The following TXNDC11 variants were observed in gnomAD, a reference collection of about 807,000 sequenced individuals.
The protein encoded by TXNDC11 is thioredoxin domain-containing protein 11.
In TXNDC11, 68 loss-of-function variants were observed where a neutral mutation model predicts 78.0. That is an observed-to-expected ratio of 0.87 (90% CI 0.72 to 1.07). The LOEUF is 1.07. Ranked by LOEUF, TXNDC11 falls within the 50% of genes least tolerant of loss-of-function variation. The pLI is 0.00. For synonymous variants in TXNDC11, 571 were observed against 495.2 expected (o/e 1.15, Z -2.03); for missense variants, 1,389 against 1,221.8 (o/e 1.14, Z -2.04).
chr16:11,711,463 C>T (rs1453536922), intron 5 of TXNDC11, among the ~76,000 whole-genome samples: 1 of 152,188 alleles, frequency 6.6e-6, no homozygotes, highest in Admixed American at 6.5e-5. Context: ...CTTGACTTTT[C>T]CAGCTCCAAA....
chr16:11,736,103 G>A lies in TXNDC11; in HGVS notation c.385C>T (p.Leu129=). The A allele has an allele frequency of 6.2e-7, 1 of 1,614,230 alleles. No individual in the cohort carries two copies. Among genetic ancestry groups the A allele is most frequent in the Non-Finnish European group, 8.5e-7 (1 of 1,180,044 alleles). Residue 129 remains leucine, a synonymous_variant, in exon 2 of 12, where the codon CTG becomes TTG. Transcript: ENST00000283033. ...CACCAAGGGGCATAGAAGAAGAGCA[G>A]TACCACCTCTGAATCCCGTCGAACG... ...EYVRRDSEVV[L]LFFYAPWCGQ...
intron 2 of TXNDC11, 62 bp from the exon 3 acceptor site, chr16:11,734,141 T>A: frequency 1.8e-6 from 2 of 1,089,666 alleles, no homozygotes; most frequent in Non-Finnish European, 2.7e-6. Context: ...TACCAAGATT[T>A]AAAAGATGAA....
chr16:11,722,818 C>G (rs566562557), intron 4 of TXNDC11, among the ~76,000 whole-genome samples: 1 of 152,292 alleles, frequency 6.6e-6, no homozygotes, highest in East Asian at 1.9e-4. Context: ...GAAATTTGAT[C>G]TGTTGGTAAA....
At chr16:11,700,402 C>A (rs1430861560) in intron 6 of TXNDC11, 50 bp downstream of exon 6, 3 of 867,462 alleles carry the variant, frequency 3.5e-6, no homozygotes, top group Non-Finnish European at 5.6e-6. Context: ...GTGACCTAAA[C>A]AAGGTTAAGA....
At chr16:11,723,188 G>A (rs1234949829) in intron 4 of TXNDC11, among the ~76,000 whole-genome samples, 2 of 152,040 alleles carry the variant, frequency 1.3e-5, no homozygotes, top group Non-Finnish European at 2.9e-5. Flanking sequence ...AACCCAGGGG[G>A]TGGAGGCTGC....
intron 6 of TXNDC11, among the ~76,000 whole-genome samples, chr16:11,699,603 G>A (rs1413490199): frequency 1.3e-5 from 2 of 152,246 alleles, no homozygotes; most frequent in Non-Finnish European, 2.9e-5. Context: ...CACAGCATCT[G>A]GGCTACGAGA....
chr16:11,717,220 G>C (rs1399224978), intron 5 of TXNDC11, among the ~76,000 whole-genome samples: 1 of 151,408 alleles, frequency 6.6e-6, no homozygotes, highest in Non-Finnish European at 1.5e-5. Context: ...GAGGTCAGGA[G>C]TTTGAGACCA....
chr16:11,730,842 T>C (rs150162969), intron 3 of TXNDC11, 68 bp from the exon 4 acceptor site: 3 of 1,212,430 alleles, frequency 2.5e-6, no homozygotes, highest in Admixed American at 3.1e-5. Context: ...AAGCCTGTAA[T>C]GTATAACTAA....
chr16:11,732,981 T>C (rs1222950024), intron 3 of TXNDC11, among the ~76,000 whole-genome samples: 3 of 152,122 alleles, frequency 2.0e-5, no homozygotes, highest in Non-Finnish European at 4.4e-5. Context: ...TCTCCAAAAC[T>C]CTTTGAGTCA....
At chr16:11,732,938 C>G (rs1362701619) in intron 3 of TXNDC11, among the ~76,000 whole-genome samples, 2 of 152,194 alleles carry the variant, frequency 1.3e-5, no homozygotes, top group Non-Finnish European at 2.9e-5. Context: ...TCAAGCCAAT[C>G]ACCCTGAACA....
chr16:11,740,012 G>A (rs1338224943), intron 1 of TXNDC11, among the ~76,000 whole-genome samples: 1 of 152,010 alleles, frequency 6.6e-6, no homozygotes, highest in Non-Finnish European at 1.5e-5. Flanking sequence ...GGTCAACATG[G>A]TGAAACCCCG....
At chr16:11,740,059 G>C (rs2052346650) in intron 1 of TXNDC11, among the ~76,000 whole-genome samples, 1 of 151,606 alleles carries the variant, frequency 6.6e-6, no homozygotes, top group Admixed American at 6.6e-5. Flanking sequence ...TGGGCATGGT[G>C]GCACGCACCT....
At chr16:11,738,852 ACC>A (rs2052307510) in intron 1 of TXNDC11, among the ~76,000 whole-genome samples, 2 of 151,964 alleles carry the variant, frequency 1.3e-5, no homozygotes, top group Admixed American at 1.3e-4. Flanking sequence ...ACACCGGGAA[ACC>A]CCATTTCTAC....
intron 11 of TXNDC11, among the ~76,000 whole-genome samples, chr16:11,681,963 A>T (rs1313358671): frequency 6.6e-6 from 1 of 152,228 alleles, no homozygotes; most frequent in East Asian, 1.9e-4. Context: ...AATCACTTGC[A>T]ATCTCACTCC....
intron 10 of TXNDC11, among the ~76,000 whole-genome samples, chr16:11,687,063 CAG>C (rs2050585213): frequency 1.3e-5 from 2 of 152,186 alleles, no homozygotes; most frequent in South Asian, 4.1e-4. Context: ...ACAGGTGACA[CAG>C]AGACACTGGA....
chr16:11,719,924 G>C (rs1461201934), intron 5 of TXNDC11, among the ~76,000 whole-genome samples: 1 of 152,184 alleles, frequency 6.6e-6, no homozygotes. Flanking sequence ...TGAGCCCTAG[G>C]GGTGGAGGCA....
chr16:11,703,949 G>A lies in TXNDC11; in HGVS notation c.794-3385C>T, dbSNP rs138664386. On this transcript the variant is annotated intron_variant, in intron 5 of 11. Coordinates refer to ENST00000283033, the MANE Select transcript of TXNDC11 (RefSeq NM_015914.7). ...TCTACTAAAAATACAAGAATTAGCC[G>A]GATGTGGTGGCACGCACCTGTAATT... 8.1e-4 allele frequency among the ~76,000 whole-genome samples: 124 copies of A among 152,308 alleles called. No individual in the cohort carries two copies. The East Asian group carries it at 0.016, about 20-fold the overall frequency.
At chr16:11,730,874 A>G (rs983690187) in intron 3 of TXNDC11, 100 bp from the exon 4 acceptor site, 4 of 934,562 alleles carry the variant, frequency 4.3e-6, no homozygotes, top group African/African-American at 1.7e-5. Flanking sequence ...CCACAAAATG[A>G]AAGTGTCTTG....
Position 11,695,733 on chromosome 16 carries a change from G to T in TXNDC11, c.1107+2392C>A, listed in dbSNP as rs74916038. On this transcript the variant is annotated intron_variant, in intron 7 of 11. Transcript: ENST00000283033. The stretch of plus-strand genomic sequence containing the variant: ...ACAGCCCTGGCTGCATCTCTTCACT[G>T]TCAGTAAGACTTGTATGGGCCAGGT... Among the ~76,000 whole-genome samples, 137 of 152,214 alleles carry T rather than the reference G, an allele frequency of 9.0e-4. 2 individuals carry two copies. In the East Asian group the frequency reaches 0.025, roughly 28 times the overall value.
Sources: allele counts gnomAD v4.1 joint callset (sites outside exome capture counted in the v4.1 genomes callset), GRCh38; gene constraint gnomAD v4.1.1; transcripts MANE v1.5; gene names NCBI Gene and HGNC (gene_info 2026-07-23, HGNC 2026-07-21).